Variants in TMTC3 observed in about 807,000 individuals in gnomAD.
TMTC3 encodes the protein protein O-mannosyl-transferase TMTC3.
In TMTC3, 52 loss-of-function variants were observed where a neutral mutation model predicts 92.2. The ratio of observed to expected loss-of-function variants is 0.56; its 90% CI spans 0.45 to 0.71. The LOEUF (loss-of-function observed/expected upper bound fraction) is 0.71. TMTC3 is among the 30% of genes least tolerant of loss of function. The pLI is 0.00. For synonymous variants in TMTC3, 339 were observed against 363.3 expected (o/e 0.93, Z 0.76); for missense variants, 896 against 1,057.1 (o/e 0.85, Z 2.11).
intron 10 of TMTC3, 106 bp downstream of exon 10, chr12:88,176,425 T>C: frequency 2.7e-6 from 2 of 754,496 alleles, no homozygotes; most frequent in South Asian, 1.9e-5. Flanking sequence ...TCTGAGTGAC[T>C]TGAATACTAG....
At chr12:88,191,333 T>C (rs780852812) in intron 12 of TMTC3, among the ~76,000 whole-genome samples, 8 of 152,168 alleles carry the variant, frequency 5.3e-5, no homozygotes, top group Non-Finnish European at 1.0e-4. Flanking sequence ...ACCTGTCATG[T>C]ATTAATTCAT....
Position 88,199,136 on chromosome 12 carries a change from TTAAA to T in TMTC3, c.*3491_*3494del, listed in dbSNP as rs1347894721. 2.6e-5 allele frequency: 4 copies of T among 152,062 alleles called. No homozygotes were observed. Among genetic ancestry groups the T allele is most frequent in the East Asian group, 1.9e-4 (1 of 5,168 alleles). The allele number at this position is 152,062 out of a possible 1,614,324, so 9.4% of individuals were successfully genotyped here. ...TATTAGCAGTGATCTGAGAAAGACA[TTAAA>T]TAAGTTTCTGAGAGTGATACATTTT... is the stretch of plus-strand genomic sequence containing the variant. On this transcript the variant is annotated 3_prime_UTR_variant, in exon 14 of 14. Coordinates refer to ENST00000266712, the MANE Select transcript of TMTC3 (RefSeq NM_181783.4).
intron 5 of TMTC3, 34 bp downstream of exon 5, chr12:88,160,263 TTGA>T (rs1565946537): frequency 4.0e-6 from 5 of 1,239,428 alleles, no homozygotes; most frequent in Non-Finnish European, 5.5e-6. Context: ...AATTTTCTTA[TTGA>T]TATATTTTAT....
chr12:88,180,993 AGTTT>A (rs922832800), intron 10 of TMTC3, among the ~76,000 whole-genome samples: 1 of 151,902 alleles, frequency 6.6e-6, no homozygotes, highest in African/African-American at 2.4e-5. Flanking sequence ...CCCCCTTTTT[AGTTT>A]CTTGAGCATA....
At chr12:88,183,059 T>G (rs1248771069) in intron 10 of TMTC3, among the ~76,000 whole-genome samples, 2 of 152,166 alleles carry the variant, frequency 1.3e-5, no homozygotes, top group Non-Finnish European at 2.9e-5. Context: ...TGGGAAATGA[T>G]GAAAATGGGC....
Position 88,191,196 on chromosome 12 carries a change from A to T in TMTC3, c.1706+574A>T, listed in dbSNP as rs946838730. Among the ~76,000 whole-genome samples the T allele has an allele frequency of 7.2e-4, 110 of 152,230 alleles. 1 individual carries two copies. The highest frequency in any genetic ancestry group is 2.6e-3 in the African/African-American group (106 of 41,540). Reference sequence around the variant, plus strand: ...CAGAAAACTAATAGTAATTTGTAACATTTTTTCCTTTGGGGAAAGTACATT... The same window carrying T: ...CAGAAAACTAATAGTAATTTGTAACTTTTTTTCCTTTGGGGAAAGTACATT... On this transcript the variant is annotated intron_variant, in intron 12 of 13. Coordinates refer to ENST00000266712, the MANE Select transcript of TMTC3 (RefSeq NM_181783.4).
At chr12:88,158,658 C>G (rs960941922) in intron 4 of TMTC3, among the ~76,000 whole-genome samples, 2 of 105,956 alleles carry the variant, frequency 1.9e-5, no homozygotes, top group Non-Finnish European at 4.1e-5. Context: ...TATATTAAGC[C>G]CAGTGACAGA....
At chr12:88,177,099 G>A (rs575518228) in intron 10 of TMTC3, among the ~76,000 whole-genome samples, 14 of 152,080 alleles carry the variant, frequency 9.2e-5, no homozygotes, top group Non-Finnish European at 1.3e-4. Context: ...GCCAAGGTGG[G>A]CAGATCACTT....
intron 1 of TMTC3, among the ~76,000 whole-genome samples, chr12:88,143,479 T>G (rs1168494980): frequency 6.6e-6 from 1 of 152,204 alleles, no homozygotes; most frequent in Non-Finnish European, 1.5e-5. Context: ...AAACTGAGGC[T>G]TGGAGAAGCT....
chr12:88,189,949 T>TAA (rs1468565053), intron 11 of TMTC3, among the ~76,000 whole-genome samples: 1 of 151,868 alleles, frequency 6.6e-6, no homozygotes, highest in Non-Finnish European at 1.5e-5. Context: ...AGTTCAACTT[T>TAA]AAAAAAAATT....
At chr12:88,186,541 C>G (rs1209343744) in intron 10 of TMTC3, among the ~76,000 whole-genome samples, 3 of 152,062 alleles carry the variant, frequency 2.0e-5, no homozygotes, top group Non-Finnish European at 4.4e-5. Context: ...GAATTAAAAG[C>G]TAGATTGTTA....
rs375138966 is a variant in TMTC3 at position 88,154,360 on chromosome 12, A to G, written c.481A>G (p.Arg161Gly). ...FFLAAFLSYTRSKGPDNSIIW... is the reference protein window; with the variant it reads ...FFLAAFLSYTGSKGPDNSIIW... The stretch of plus-strand genomic sequence containing the variant: ...TCTAGCAGCTTTTTTGTCATATACC[A>G]GATCAAAAGGACCAGACAATTCCAT... The change falls in exon 4 of 14, where the codon AGA becomes GGA. Residue 161 changes from arginine to glycine, a missense_variant. By Grantham distance (125) the Arg-to-Gly change is moderately radical. Coordinates refer to ENST00000266712, the MANE Select transcript of TMTC3 (RefSeq NM_181783.4). 2 of 1,607,048 alleles carry G rather than the reference A, an allele frequency of 1.2e-6. No homozygotes were observed. Among genetic ancestry groups the G allele is most frequent in the Non-Finnish European group, 1.7e-6 (2 of 1,178,024 alleles).
rs1565964082 is a variant in TMTC3, at chr12:88,198,754, A to G, written c.*3105A>G. 2 of 193,504 alleles carry G rather than the reference A, an allele frequency of 1.0e-5. No individual in the cohort carries two copies. Among genetic ancestry groups the G allele is most frequent in the Non-Finnish European group, 1.0e-5 (1 of 95,954 alleles). 12.0% of individuals were successfully genotyped at this position (193,504 alleles called of 1,614,324 possible). A position where few individuals can be genotyped will look rare whatever the true frequency, so the allele number is the denominator to read the frequency against. ...TTAATGAAAAGTATTAAGAAAATAT[A>G]TAGATTTGTATGTCAGTTTATACTT... On this transcript the variant is annotated 3_prime_UTR_variant, in exon 14 of 14. Transcript: ENST00000266712.
chr12:88,178,405 T>A (rs916256544), intron 10 of TMTC3, among the ~76,000 whole-genome samples: 13 of 152,286 alleles, frequency 8.5e-5, no homozygotes, highest in Admixed American at 6.5e-4. Context: ...TTCCTCCCAT[T>A]TTCCAGTGAC....
intron 4 of TMTC3, among the ~76,000 whole-genome samples, chr12:88,159,315 A>G (rs1339837294): frequency 6.6e-6 from 1 of 152,158 alleles, no homozygotes; most frequent in East Asian, 1.9e-4. Context: ...CTTATAGTCT[A>G]TTGCAAATTT....
In TMTC3 at chr12:88,195,259, A is replaced by C; in HGVS notation, c.2355A>C (p.Lys785Asn). The change falls in exon 14 of 14, where the codon AAA becomes AAC. Residue 785 changes from lysine (K) to asparagine (N), a missense_variant. Physicochemically the swap from Lys to Asn is moderately conservative, Grantham distance 94. Coordinates refer to ENST00000266712, the MANE Select transcript of TMTC3 (RefSeq NM_181783.4). Reference protein sequence around the residue: ...HNLCVVYFEEKDLLKAERCLL... With the variant: ...HNLCVVYFEENDLLKAERCLL... The stretch of plus-strand genomic sequence containing the variant: ...TTTGTGTTGTTTATTTTGAAGAAAA[A>C]GACTTATTAAAAGCTGAAAGATGCC... 1 of 1,613,854 alleles carries C rather than the reference A, an allele frequency of 6.2e-7. No individual in the cohort carries two copies. Among genetic ancestry groups the C allele is most frequent in the Non-Finnish European group, 8.5e-7 (1 of 1,179,910 alleles).
At chr12:88,142,781 G>T (rs1441505723) in intron 1 of TMTC3, among the ~76,000 whole-genome samples, 1 of 152,226 alleles carries the variant, frequency 6.6e-6, no homozygotes, top group Non-Finnish European at 1.5e-5. Context: ...AAGAGGTCTC[G>T]GCATCCCGAC....
chr12:88,188,445 C>T (rs1452426643), intron 10 of TMTC3, among the ~76,000 whole-genome samples: 2 of 151,906 alleles, frequency 1.3e-5, no homozygotes, highest in East Asian at 3.9e-4. Context: ...TTACCTTTAT[C>T]TCTGGAAGCA....
chr12:88,181,746 G>T (rs35447175), intron 10 of TMTC3, among the ~76,000 whole-genome samples: 4,834 of 152,254 alleles, frequency 0.032, 128 homozygotes, highest in Non-Finnish European at 0.05. Flanking sequence ...GAGCAGAAAA[G>T]GTCTCCAGGG....
Sources: allele counts gnomAD v4.1 joint callset (sites outside exome capture counted in the v4.1 genomes callset), GRCh38; gene constraint gnomAD v4.1.1; transcripts MANE v1.5; gene names NCBI Gene and HGNC (gene_info 2026-07-23, HGNC 2026-07-21).